DST: variants seen among roughly 807,000 people sequenced by gnomAD.
DST encodes the protein dystonin, also known as bullous pemphigoid antigen.
In DST, 253 loss-of-function variants were observed where a neutral mutation model predicts 875.2. The ratio of observed to expected loss-of-function variants is 0.29; its 90% CI spans 0.26 to 0.32. The LOEUF (loss-of-function observed/expected upper bound fraction) is 0.32. DST is among the 10% of genes least tolerant of loss of function. DST has a pLI of 1.00. For synonymous variants in DST, 3,124 were observed against 3,197.1 expected (o/e 0.98, Z 0.77); for missense variants, 8,287 against 9,111.6 (o/e 0.91, Z 3.68).
At chr6:56,884,274 AT>A (rs1188686163) in intron 3 of DST, among the ~76,000 whole-genome samples, 2 of 152,008 alleles carry the variant, frequency 1.3e-5, no homozygotes, top group East Asian at 3.8e-4. Flanking sequence ...TCACTCCCAC[AT>A]TTTTTCTTAT....
intron 61 of DST, among the ~76,000 whole-genome samples, chr6:56,549,661 A>G (rs928930548): frequency 6.6e-6 from 1 of 152,152 alleles, no homozygotes; most frequent in Non-Finnish European, 1.5e-5. Flanking sequence ...CCTACATAAC[A>G]TCAGTTTCTA....
intron 90 of DST, 63 bp downstream of exon 90, chr6:56,481,987 G>T: frequency 6.6e-7 from 1 of 1,524,936 alleles, no homozygotes; most frequent in South Asian, 1.2e-5. Context: ...TTGTAATCCC[G>T]AGTCTATTTT....
chr6:56,513,450 G>A (rs543064710), intron 72 of DST, among the ~76,000 whole-genome samples: 3 of 151,792 alleles, frequency 2.0e-5, no homozygotes, highest in South Asian at 2.1e-4. Flanking sequence ...GGCTGGTCTC[G>A]AATTCCTGAC....
At chr6:56,519,285 A>G (rs376603907) in intron 69 of DST, among the ~76,000 whole-genome samples, 3 of 152,098 alleles carry the variant, frequency 2.0e-5, no homozygotes, top group African/African-American at 7.2e-5. Context: ...TTAAACAATA[A>G]CCACTCTATT....
Position 56,458,852 on chromosome 6 carries a change from A to G in DST, c.*153T>C, listed in dbSNP as rs917690539. The G allele has an allele frequency of 1.8e-5, 15 of 841,036 alleles. No individual in the cohort carries two copies. In the East Asian group the frequency reaches 4.2e-4, roughly 24 times the overall value. 52.1% of individuals were successfully genotyped at this position (841,036 alleles called of 1,614,324 possible). ...ATATCTGACAAAAAAAATTATACAG[A>G]TAAAATAAAAAGACAAATACACAAA... On this transcript the variant is annotated 3_prime_UTR_variant, in exon 104 of 104. Coordinates refer to ENST00000680361, the MANE Select transcript of DST (RefSeq NM_001374736.1).
intron 2 of DST, among the ~76,000 whole-genome samples, chr6:56,933,069 T>C (rs752272834): frequency 6.6e-6 from 1 of 152,044 alleles, no homozygotes; most frequent in East Asian, 1.9e-4. Context: ...AGACCTCAGA[T>C]AGGAGGAACT....
rs985573484 is a variant in DST, at chr6:56,636,647, G to A, written c.2970C>T (p.Tyr990=). The part of the protein sequence containing the change: ...NHPARLTIEA[Y]RAAMQTQWSW... ...TCCACTGCGTCTGCATTGCCGCTCT[G>A]TAGGCCTTAAAGATAAAACAGAGCC... is the stretch of plus-strand genomic sequence containing the variant. The change falls in exon 23 of 104, where the codon TAC becomes TAT. Residue 990 remains tyrosine (Y), a synonymous_variant. Transcript: ENST00000680361. 1 of 1,612,940 alleles carries A rather than the reference G, an allele frequency of 6.2e-7. No individual in the cohort carries two copies. The highest frequency in any genetic ancestry group is 8.5e-7 in the Non-Finnish European group (1 of 1,179,698).
In DST at chr6:56,463,680, CG is replaced by C; in HGVS notation, c.22843del (p.Arg7615GlufsTer44). 6.2e-7 allele frequency: 1 copy of C among 1,613,910 alleles called. No homozygotes were observed. Among genetic ancestry groups the C allele is most frequent in the Non-Finnish European group, 8.5e-7 (1 of 1,179,892 alleles). On this transcript the variant is annotated frameshift_variant, in exon 101 of 104. Coordinates refer to ENST00000680361, the MANE Select transcript of DST (RefSeq NM_001374736.1). LOFTEE classifies it high-confidence loss of function. ...ASQGMAAFRPRGRRSRPSSRG... is the reference protein window; with the variant it reads ...ASQGMAAFRPXGRRSRPSSRG... ...TGATGATGGCCGGGATCTTCGGCCT[CG>C]GGGTCGGAAAGCAGCCATACCCTGG...
At chr6:56,697,852 T>C (rs2099272507) in intron 9 of DST, among the ~76,000 whole-genome samples, 1 of 152,192 alleles carries the variant, frequency 6.6e-6, no homozygotes, top group Non-Finnish European at 1.5e-5. Context: ...AAATGATCCC[T>C]GACAAAGCCA....
chr6:56,566,363 C>T (rs571490445), intron 55 of DST, among the ~76,000 whole-genome samples: 7 of 152,296 alleles, frequency 4.6e-5, no homozygotes, highest in Non-Finnish European at 8.8e-5. Flanking sequence ...CTGTGAGTTG[C>T]GAAGACCATA....
chr6:56,683,381 ACT>A (rs2099165927), intron 9 of DST, among the ~76,000 whole-genome samples: 1 of 152,178 alleles, frequency 6.6e-6, no homozygotes, highest in African/African-American at 2.4e-5. Context: ...ATATTATTGT[ACT>A]CTCATTCCCA....
chr6:56,549,467 C>A (rs1584699110), intron 61 of DST, among the ~76,000 whole-genome samples: 1 of 152,160 alleles, frequency 6.6e-6, no homozygotes, highest in East Asian at 1.9e-4. Context: ...AGTCTAAGGC[C>A]CAACAGAAAC....
rs1398754303 is a variant in DST, at chr6:56,473,933, C to T, written c.21934G>A (p.Ala7312Thr). ...DKVTKTYKRRAADPSSLQSHI... is the reference protein window; with the variant it reads ...DKVTKTYKRRTADPSSLQSHI... ...GATTGTAATGAGGAAGGATCAGCAGCTCTCCTCTTATAGGTCTTCGTTACT... is the reference window on the plus strand; with the variant it reads ...GATTGTAATGAGGAAGGATCAGCAGTTCTCCTCTTATAGGTCTTCGTTACT... The change falls in exon 93 of 104, where the codon GCT (alanine) becomes ACT (threonine). Residue 7312 changes from alanine to threonine, a missense_variant. Physicochemically the swap from Ala to Thr is moderately conservative, Grantham distance 58 (BLOSUM62 0). Coordinates refer to ENST00000680361, the MANE Select transcript of DST (RefSeq NM_001374736.1). 5 of 1,592,278 alleles carry T rather than the reference C, an allele frequency of 3.1e-6. No individual in the cohort carries two copies. Among genetic ancestry groups the T allele is most frequent in the Non-Finnish European group, 3.4e-6 (4 of 1,167,530 alleles).
intron 2 of DST, among the ~76,000 whole-genome samples, chr6:56,919,131 T>C (rs1025063799): frequency 2.0e-5 from 3 of 152,140 alleles, no homozygotes; most frequent in Non-Finnish European, 2.9e-5. Flanking sequence ...TTACTATATA[T>C]GCAGCAAGTA....
In DST at chr6:56,945,282, T is replaced by C. The variant is rs138516051; in HGVS notation, c.216+8503A>G. 3.0e-4 allele frequency among the ~76,000 whole-genome samples: 46 copies of C among 152,170 alleles called. 2 individuals carry two copies. Among genetic ancestry groups the C allele is most frequent in the Admixed American group, 1.8e-3 (28 of 15,280 alleles). ...CAGAGAGACTTGTCCAGAGGCTTAT[T>C]ATAGGGCTTGAACCAAAGAAACAGC... On this transcript the variant is annotated intron_variant, in intron 2 of 103. Transcript: ENST00000680361.
chr6:56,641,720 C>A (rs2098905978), intron 17 of DST, among the ~76,000 whole-genome samples: 1 of 152,114 alleles, frequency 6.6e-6, no homozygotes, highest in Non-Finnish European at 1.5e-5. Context: ...GAGTTAGTTA[C>A]TGCAGCAGTA....
Position 56,517,445 on chromosome 6 carries a change from G to T in DST, c.18249+56C>A, listed in dbSNP as rs938522834. The stretch of plus-strand genomic sequence containing the variant: ...GTAAATCATACAAGCACATTTTATA[G>T]AGTTGGAGCACACCAGCAAATAATT... On this transcript the variant is annotated intron_variant, in intron 70 of 103. Coordinates refer to ENST00000680361, the MANE Select transcript of DST (RefSeq NM_001374736.1). The T allele has an allele frequency of 6.2e-6, 10 of 1,601,448 alleles. No homozygotes were observed. In the African/African-American group the frequency reaches 1.2e-4, roughly 19 times the overall value.
At chr6:56,488,294 T>C (rs2095629539) in intron 86 of DST, among the ~76,000 whole-genome samples, 1 of 152,228 alleles carries the variant, frequency 6.6e-6, no homozygotes, top group African/African-American at 2.4e-5. Flanking sequence ...TTCTTATTTA[T>C]AGGACTCTCT....
rs70989723 is a variant in DST at position 56,670,133 on chromosome 6, CGTGTGTGTGTGT to C, written c.1214+496_1214+507del. On this transcript the variant is annotated intron_variant, in intron 10 of 103. Transcript: ENST00000680361. ...ACAGCTGTGTGTGCGAGCGCCCGTG[CGTGTGTGTGTGT>C]GTGTGTGTGTGTGTGTGTGTGTGTG... Among the ~76,000 whole-genome samples, 40 of 146,296 alleles carry C rather than the reference CGTGTGTGTGTGT, an allele frequency of 2.7e-4. 1 individual carries two copies. The highest frequency in any genetic ancestry group is 3.4e-3 in the Middle Eastern group (1 of 294).
Sources: gnomAD v4.1 joint callset for allele counts (sites outside exome capture counted in the v4.1 genomes callset) on GRCh38, gnomAD v4.1.1 for gene constraint, MANE v1.5 for transcripts, NCBI Gene and HGNC (gene_info 2026-07-23, HGNC 2026-07-21) for gene names.